HLTF: variants seen among roughly 807,000 people sequenced by gnomAD.
The protein encoded by HLTF is helicase like transcription factor, also known as DNA-dependent ATPase/E3 ubiquitin-protein ligase HLTF.
Under a neutral mutation model 129.4 loss-of-function variants are expected in HLTF, and 127 were observed. That is an observed-to-expected ratio of 0.98 (90% CI 0.85 to 1.14). The LOEUF (loss-of-function observed/expected upper bound fraction) is 1.14, where lower values mean the gene tolerates loss of function less well. Among genes scored for constraint, HLTF ranks in the 50% most tolerant of loss-of-function variants. The pLI is 0.00. For synonymous variants in HLTF, 332 were observed against 388.8 expected (o/e 0.85, Z 1.72); for missense variants, 1,139 against 1,187.1 (o/e 0.96, Z 0.60).
Position 149,057,033 on chromosome 3 carries a change from CCA to C in HLTF, c.1376-1635_1376-1634del, listed in dbSNP as rs1455082099. ...CTGAGGCAGGAGAATGGCGTGAACC[CCA>C]GGGGGCGGAGCCTGCAGTGAGCCGA... On this transcript the variant is annotated intron_variant, in intron 13 of 24. Coordinates refer to ENST00000310053, the MANE Select transcript of HLTF (RefSeq NM_003071.4). 6.6e-4 allele frequency among the ~76,000 whole-genome samples: 97 copies of C among 147,064 alleles called. 1 individual carries two copies. The highest frequency in any genetic ancestry group is 1.2e-3 in the Non-Finnish European group (79 of 66,926).
At chr3:149,037,779 C>T (rs1051212545) in intron 23 of HLTF, among the ~76,000 whole-genome samples, 2 of 152,166 alleles carry the variant, frequency 1.3e-5, no homozygotes, top group African/African-American at 4.8e-5. Context: ...ACAGAAACAG[C>T]AGAGGGTTGC....
At chr3:149,071,798 G>C (rs576483503) in intron 5 of HLTF, 141 bp from the exon 6 acceptor site, 1 of 631,388 alleles carries the variant, frequency 1.6e-6, no homozygotes, top group Non-Finnish European at 2.8e-6. Context: ...AATAATCTCA[G>C]CACTTTGGGA....
chr3:149,053,323 GCTATC>G (rs1050955601), intron 14 of HLTF, among the ~76,000 whole-genome samples: 2 of 152,226 alleles, frequency 1.3e-5, no homozygotes, highest in African/African-American at 4.8e-5. Context: ...GTGGCTTAGT[GCTATC>G]CCCTTGGTGA....
chr3:149,077,138 C>A (rs1719431249), intron 2 of HLTF, among the ~76,000 whole-genome samples: 1 of 152,040 alleles, frequency 6.6e-6, no homozygotes, highest in East Asian at 1.9e-4. Context: ...GTCCTAGCTA[C>A]TCGGGAGGCT....
At chr3:149,036,779 A>G (rs1271331967) in intron 23 of HLTF, among the ~76,000 whole-genome samples, 3 of 152,126 alleles carry the variant, frequency 2.0e-5, no homozygotes, top group Non-Finnish European at 4.4e-5. Flanking sequence ...TAATGGTAAA[A>G]GACTTTCATG....
chr3:149,080,548 A>C (rs183502472), intron 2 of HLTF, among the ~76,000 whole-genome samples: 92 of 152,272 alleles, frequency 6.0e-4, no homozygotes, highest in Non-Finnish European at 1.1e-3. Context: ...CACTGCCTAC[A>C]GGATGATCTT....
intron 2 of HLTF, among the ~76,000 whole-genome samples, chr3:149,076,475 A>C (rs1719365953): frequency 6.6e-6 from 1 of 152,214 alleles, no homozygotes; most frequent in South Asian, 2.1e-4. Flanking sequence ...TTACAAATGA[A>C]GAAACTGAAG....
chr3:149,037,249 T>A (rs971395323), intron 23 of HLTF, among the ~76,000 whole-genome samples: 1 of 151,804 alleles, frequency 6.6e-6, no homozygotes, highest in African/African-American at 2.4e-5. Flanking sequence ...GGCAGGTGGA[T>A]CATGAGGTCA....
chr3:149,044,209 A>T (rs1048380305), intron 18 of HLTF, among the ~76,000 whole-genome samples: 2 of 152,164 alleles, frequency 1.3e-5, no homozygotes, highest in African/African-American at 4.8e-5. Context: ...AAGCACTAAG[A>T]TCAATGTATA....
chr3:149,074,482 G>A (rs1719162784), intron 3 of HLTF, 134 bp from the exon 4 acceptor site: 2 of 728,942 alleles, frequency 2.7e-6, no homozygotes, highest in Non-Finnish European at 4.1e-6. Context: ...TAGTTGGGCA[G>A]ACTTGAAAGA....
intron 22 of HLTF, 79 bp downstream of exon 22, chr3:149,039,500 TAA>T (rs1374481315): frequency 1.6e-5 from 12 of 739,076 alleles, no homozygotes; most frequent in Non-Finnish European, 2.5e-5. Flanking sequence ...CAAAACAAAT[TAA>T]GTTTTTTTTT....
Position 149,044,627 on chromosome 3 carries a change from G to C in HLTF, c.2072+1453C>G. On this transcript the variant is annotated intron_variant, in intron 18 of 24. Coordinates refer to ENST00000310053, the MANE Select transcript of HLTF (RefSeq NM_003071.4). Reference sequence around the variant, plus strand: ...TGATATCTCTACTTGGAAAATTCACGGGCATCCTATGATCAATGTGTCCAA... The same window carrying C: ...TGATATCTCTACTTGGAAAATTCACCGGCATCCTATGATCAATGTGTCCAA... Among the ~76,000 whole-genome samples, 3 of 152,048 alleles carry C rather than the reference G, an allele frequency of 2.0e-5. No individual in the cohort carries two copies. The South Asian group carries it at 6.2e-4, about 32-fold the overall frequency.
chr3:149,043,151 G>C (rs1716265901), intron 18 of HLTF, among the ~76,000 whole-genome samples: 1 of 151,080 alleles, frequency 6.6e-6, no homozygotes, highest in Non-Finnish European at 1.5e-5. Context: ...TATGGCAAGA[G>C]AACAGGAAGA....
rs372129397 is a variant in HLTF, at chr3:149,039,675, C to T, written c.2521G>A (p.Ala841Thr). ...TTCTTCTTTCTTAAGTCAGTCAATGCGTGCATTAGCGCATTAATCTGCAAA... is the reference window on the plus strand; with the variant it reads ...TTCTTCTTTCTTAAGTCAGTCAATGTGTGCATTAGCGCATTAATCTGCAAA... ...SSSKINALMH[A>T]LTDLRKKNPN... Residue 841 changes from alanine (A) to threonine (T), a missense_variant, in exon 22 of 25, where the codon GCA becomes ACA. Physicochemically the swap from Ala to Thr is moderately conservative, Grantham distance 58. Coordinates refer to ENST00000310053, the MANE Select transcript of HLTF (RefSeq NM_003071.4). 7.1e-5 allele frequency: 112 copies of T among 1,587,334 alleles called. No individual in the cohort carries two copies. In the South Asian group the frequency reaches 8.8e-4, roughly 12 times the overall value.
intron 14 of HLTF, among the ~76,000 whole-genome samples, chr3:149,052,538 AG>A (rs1213815853): frequency 6.6e-6 from 1 of 152,220 alleles, no homozygotes; most frequent in Non-Finnish European, 1.5e-5. Context: ...TTCAAGGCAG[AG>A]GAAAAGGGGA....
In HLTF at chr3:149,063,500, G is replaced by T; in HGVS notation, c.1091C>A (p.Pro364His). ...SKDASRCSEQPSISDIKEKSK... is the reference protein window; with the variant it reads ...SKDASRCSEQHSISDIKEKSK... Reference sequence around the variant, plus strand: ...CTTCTCCTTGATATCTGAAATACTGGGTTGTTCACTACATCTAGATGCGTC... The same window carrying T: ...CTTCTCCTTGATATCTGAAATACTGTGTTGTTCACTACATCTAGATGCGTC... The change falls in exon 10 of 25, where the codon CCC becomes CAC. Residue 364 changes from proline to histidine, a missense_variant. Transcript: ENST00000310053. 6.2e-7 allele frequency: 1 copy of T among 1,608,124 alleles called. No individual in the cohort carries two copies. The highest frequency in any genetic ancestry group is 8.5e-7 in the Non-Finnish European group (1 of 1,174,874).
chr3:149,071,054 A>G (rs1205540176), intron 7 of HLTF, among the ~76,000 whole-genome samples, 198 bp downstream of exon 7: 3 of 152,074 alleles, frequency 2.0e-5, no homozygotes, highest in African/African-American at 4.8e-5. Flanking sequence ...CAAAAAAAAA[A>G]AAAAGAAAAC....
intron 20 of HLTF, among the ~76,000 whole-genome samples, chr3:149,040,492 A>G (rs1716036253): frequency 6.6e-6 from 1 of 151,956 alleles, no homozygotes; most frequent in Admixed American, 6.6e-5. Flanking sequence ...CAGCTACACT[A>G]TTTAGTACTA....
At chr3:149,055,479 G>T in intron 13 of HLTF, 79 bp from the exon 14 acceptor site, 1 of 891,134 alleles carries the variant, frequency 1.1e-6, no homozygotes. Context: ...GCAATAATGT[G>T]CCTCCATGAA....
Sources: gnomAD v4.1 joint callset for allele counts (sites outside exome capture counted in the v4.1 genomes callset) on GRCh38, gnomAD v4.1.1 for gene constraint, MANE v1.5 for transcripts, NCBI Gene and HGNC (gene_info 2026-07-23, HGNC 2026-07-21) for gene names.